The following LPCAT1 variants were observed in gnomAD, a reference collection of about 807,000 sequenced individuals.
The protein encoded by LPCAT1 is lysophosphatidylcholine acyltransferase 1.
LPCAT1 carries 23 observed loss-of-function variants against 60.9 expected under a neutral mutation model. The ratio of observed to expected loss-of-function variants is 0.38; its 90% CI spans 0.27 to 0.53. The LOEUF is 0.53. LPCAT1 is among the 20% of genes least tolerant of loss of function. The probability of loss-of-function intolerance (pLI) is 0.82; values close to 1 mark genes in which losing one functional copy is unlikely to be tolerated. For synonymous variants in LPCAT1, 340 were observed against 301.1 expected (o/e 1.13, Z -1.34); for missense variants, 622 against 723.6 (o/e 0.86, Z 1.61).
Position 1,489,802 on chromosome 5 carries a change from T to A in LPCAT1, c.550A>T (p.Arg184Trp). The A allele has an allele frequency of 6.2e-7, 1 of 1,614,232 alleles. No homozygotes were observed. The highest frequency in any genetic ancestry group is 8.5e-7 in the Non-Finnish European group (1 of 1,180,016). Residue 184 changes from arginine to tryptophan, a missense_variant, in exon 4 of 14, where the codon AGG (arginine) becomes TGG (tryptophan). Physicochemically the swap from Arg to Trp is moderately radical, Grantham distance 101. This residue lies in a region of LPCAT1 where 209 missense variants were observed against 325.5 expected (regional missense o/e 0.64). Coordinates refer to ENST00000283415, the MANE Select transcript of LPCAT1 (RefSeq NM_024830.5). ...FVSRSDQDSR[R>W]KTVEEIKRRA... ...CTCTTGATTTCTTCTACTGTTTTCC[T>A]GCGAGAATCCTGGTCTGACCGGGAC...
chr5:1,507,183 T>C (rs79590957), intron 1 of LPCAT1, among the ~76,000 whole-genome samples: 1 of 152,082 alleles, frequency 6.6e-6, no homozygotes, highest in African/African-American at 2.4e-5. Context: ...GGCAGCCAAC[T>C]GGGGAGGACA....
intron 12 of LPCAT1, 79 bp from the exon 13 acceptor site, chr5:1,466,969 C>A (rs1411980339): frequency 1.5e-6 from 2 of 1,343,648 alleles, no homozygotes; most frequent in East Asian, 2.7e-5. Context: ...ACCCCAGCGG[C>A]CCTGCCCCGC....
At chr5:1,493,533 C>A (rs1006223831) in intron 3 of LPCAT1, among the ~76,000 whole-genome samples, 1 of 152,286 alleles carries the variant, frequency 6.6e-6, no homozygotes. Context: ...ATAGGCGACG[C>A]CCCTCGTCCC....
rs1734923453 is a variant in LPCAT1 at position 1,476,470 on chromosome 5, AGCCAG to A, written c.899+929_899+933del. The stretch of plus-strand genomic sequence containing the variant: ...GTGAACAAAGTGGCTCGGAGGTCAG[AGCCAG>A]GCACACTCTGATGGGCCCGGCCGTG... On this transcript the variant is annotated intron_variant, in intron 9 of 13. Transcript: ENST00000283415. This position sits in a 1 kb window ranked among gnomAD's most constrained non-coding sequence, Gnocchi z 8.6. 6.6e-6 allele frequency among the ~76,000 whole-genome samples: 1 copy of A among 152,006 alleles called. No individual in the cohort carries two copies. The highest frequency in any genetic ancestry group is 2.1e-4 in the South Asian group (1 of 4,822).
At chr5:1,513,429 C>T (rs940840428) in intron 1 of LPCAT1, among the ~76,000 whole-genome samples, 2 of 152,212 alleles carry the variant, frequency 1.3e-5, no homozygotes, top group Non-Finnish European at 2.9e-5. Flanking sequence ...CCTGCAAGGC[C>T]TGGCTCACGG....
chr5:1,489,086 C>T (rs1401876644), intron 4 of LPCAT1, among the ~76,000 whole-genome samples: 1 of 152,242 alleles, frequency 6.6e-6, no homozygotes, highest in Non-Finnish European at 1.5e-5. Context: ...CCGGCGTGGG[C>T]TCACCCTGGC....
At chr5:1,484,880 C>T (rs775636925) in intron 5 of LPCAT1, among the ~76,000 whole-genome samples, 13 of 152,218 alleles carry the variant, frequency 8.5e-5, no homozygotes, top group Non-Finnish European at 1.6e-4. Context: ...TGGGAGCAAG[C>T]TCATGCAGTT....
chr5:1,486,686 C>A (rs1579781732), intron 5 of LPCAT1, among the ~76,000 whole-genome samples: 1 of 152,278 alleles, frequency 6.6e-6, no homozygotes, highest in East Asian at 1.9e-4. Context: ...GCACCACACA[C>A]CAATTTCACC....
intron 13 of LPCAT1, among the ~76,000 whole-genome samples, chr5:1,465,025 C>A (rs893545335): frequency 8.4e-6 from 1 of 119,518 alleles, no homozygotes; most frequent in Admixed American, 8.1e-5. Context: ...ACAAAACAAG[C>A]GCAGGCACAC....
At chr5:1,499,065 G>A (rs1453372828) in intron 2 of LPCAT1, among the ~76,000 whole-genome samples, 2 of 152,222 alleles carry the variant, frequency 1.3e-5, no homozygotes, top group South Asian at 2.1e-4. Flanking sequence ...CACTTCACAC[G>A]TGCATGAGAT....
rs1184947938 is a variant in LPCAT1 at position 1,496,480 on chromosome 5, G to A, written c.279-1566C>T. Among the ~76,000 whole-genome samples, 1 of 151,604 alleles carries A rather than the reference G, an allele frequency of 6.6e-6. No homozygotes were observed. Among genetic ancestry groups the A allele is most frequent in the African/African-American group, 2.4e-5 (1 of 41,218 alleles). On this transcript the variant is annotated intron_variant, in intron 2 of 13. Transcript: ENST00000283415. The surrounding 1 kb of genome is among the most constrained non-coding windows in gnomAD (Gnocchi z 4.7). ...ACAGCAATTGATGCCTAAGATGGAA[G>A]AAACAAGGCAGCGGCGGAGGGAGAA... is the stretch of plus-strand genomic sequence containing the variant.
Position 1,477,629 on chromosome 5 carries a change from T to C in LPCAT1, c.817-143A>G. 1.6e-6 allele frequency: 1 copy of C among 617,964 alleles called. No individual in the cohort carries two copies. Among genetic ancestry groups the C allele is most frequent in the Non-Finnish European group, 2.9e-6 (1 of 345,252 alleles). 38.3% of individuals were successfully genotyped at this position (617,964 alleles called of 1,614,324 possible). ...CGTCTTCAAAGTTGTCATGTGCACG[T>C]GTGTGTACGCACACACACACCCCCA... is the stretch of plus-strand genomic sequence containing the variant. On this transcript the variant is annotated intron_variant, in intron 8 of 13. Coordinates refer to ENST00000283415, the MANE Select transcript of LPCAT1 (RefSeq NM_024830.5). This position sits in a 1 kb window ranked among gnomAD's most constrained non-coding sequence, Gnocchi z 6.0.
intron 1 of LPCAT1, among the ~76,000 whole-genome samples, chr5:1,515,171 A>G (rs1437451543): frequency 1.3e-5 from 2 of 150,556 alleles, no homozygotes; most frequent in Admixed American, 6.6e-5. Flanking sequence ...GCCCCCCAGC[A>G]CATCCTGCAT....
rs796954566 is a variant in LPCAT1, at chr5:1,477,163, G to T, written c.899+241C>A. On this transcript the variant is annotated intron_variant, in intron 9 of 13. Coordinates refer to ENST00000283415, the MANE Select transcript of LPCAT1 (RefSeq NM_024830.5). The surrounding 1 kb of genome is among the most constrained non-coding windows in gnomAD (Gnocchi z 6.0). ...GACCTGGGGTGACCAACGGCTGCAGGCAGGTCTGGAAGAACCAGTCATGCA... is the reference window on the plus strand; with the variant it reads ...GACCTGGGGTGACCAACGGCTGCAGTCAGGTCTGGAAGAACCAGTCATGCA... Among the ~76,000 whole-genome samples the T allele has an allele frequency of 1.3e-5, 2 of 152,334 alleles. No homozygotes were observed. The highest frequency in any genetic ancestry group is 4.8e-5 in the African/African-American group (2 of 41,576).
Position 1,463,665 on chromosome 5 carries a change from T to C in LPCAT1, c.1591A>G (p.Lys531Glu). The C allele has an allele frequency of 6.2e-7, 1 of 1,614,166 alleles. No individual in the cohort carries two copies. The highest frequency in any genetic ancestry group is 8.5e-7 in the Non-Finnish European group (1 of 1,180,026). Residue 531 changes from lysine to glutamate, a missense_variant, in exon 14 of 14, where the codon AAG becomes GAG. Physicochemically the swap from Lys to Glu is moderately conservative, Grantham distance 56 (BLOSUM62 1). Around this residue, in one of 3 missense-constraint regions of LPCAT1, gnomAD observed 288 missense variants for 283.6 expected, o/e 1.02. Coordinates refer to ENST00000283415, the MANE Select transcript of LPCAT1 (RefSeq NM_024830.5). ...AACCCTGGGTCCTAATCCAGCTTCT[T>C]GCGAACAGGCTTCCGCCCAGCGTCT... is the stretch of plus-strand genomic sequence containing the variant. ...NSDAGRKPVR[K>E]KLD
rs746146400 is a variant in LPCAT1, at chr5:1,461,665, G to A, written c.*1986C>T. On this transcript the variant is annotated 3_prime_UTR_variant, in exon 14 of 14. Transcript: ENST00000283415. ...TCCGAATATCCGCCAACTCTAAGTC[G>A]CCACGAAGAGAAAAGAGAATCAGGA... 6.5e-6 allele frequency: 1 copy of A among 152,784 alleles called. No individual in the cohort carries two copies. The highest frequency in any genetic ancestry group is 2.1e-4 in the South Asian group (1 of 4,826). 9.5% of individuals were successfully genotyped at this position (152,784 alleles called of 1,614,324 possible).
At chr5:1,472,709 C>T (rs1391903480) in intron 11 of LPCAT1, among the ~76,000 whole-genome samples, 1 of 151,670 alleles carries the variant, frequency 6.6e-6, no homozygotes, top group Admixed American at 6.5e-5. Context: ...AGTGCAAACG[C>T]AGCTGCAGAT....
intron 3 of LPCAT1, among the ~76,000 whole-genome samples, chr5:1,492,960 T>A (rs903037931): frequency 1.3e-5 from 2 of 152,076 alleles, no homozygotes; most frequent in African/African-American, 4.8e-5. Flanking sequence ...TTTGCCACAG[T>A]GGGGGGGCAA....
At position 1,474,614 on chromosome 5, in the gene LPCAT1, C is replaced by A. The variant is rs377578537; in HGVS notation, c.971G>T (p.Arg324Leu). 6.2e-7 allele frequency: 1 copy of A among 1,614,022 alleles called. No homozygotes were observed. The highest frequency in any genetic ancestry group is 8.5e-7 in the Non-Finnish European group (1 of 1,180,012). Residue 324 changes from arginine to leucine, a missense_variant, in exon 10 of 14, where the codon CGT becomes CTT. This residue lies in a region of LPCAT1 where 288 missense variants were observed against 283.6 expected (regional missense o/e 1.02). Coordinates refer to ENST00000283415, the MANE Select transcript of LPCAT1 (RefSeq NM_024830.5). ...TAAAAGGCAAGTGTCAGCGGGGAGA[C>A]GGAGCTGTCCTTCCGCCAGGGCCAG... ...CQLALAEGQL[R>L]LPADTCLLEF... is the part of the protein sequence containing the mutation.
Sources: gnomAD v4.1 joint callset for allele counts (sites outside exome capture counted in the v4.1 genomes callset) on GRCh38, gnomAD v4.1.1 for gene constraint, gnomAD v4.1.1 regional missense constraint, Gnocchi (gnomAD v3.1) non-coding constraint, MANE v1.5 for transcripts, NCBI Gene and HGNC (gene_info 2026-07-23, HGNC 2026-07-21) for gene names.